TASOR2: variants seen among roughly 807,000 people sequenced by gnomAD.
The protein encoded by TASOR2 is transcription activation suppressor family member 2.
Under a neutral mutation model 199.5 loss-of-function variants are expected in TASOR2, and 84 were observed. The observed-to-expected ratio is 0.42, with a 90% CI of 0.35 to 0.50. The LOEUF (loss-of-function observed/expected upper bound fraction) is 0.50. TASOR2 is among the 20% of genes least tolerant of loss of function. The pLI is 0.02. For synonymous variants in TASOR2, 1,103 were observed against 1,046.6 expected, an observed-to-expected ratio of 1.05 and a Z score of -1.04; for missense variants, 2,796 against 2,835.9, an observed-to-expected ratio of 0.99 and a Z score of 0.32.
chr10:5,693,329 T>G (rs1176347661), intron 1 of TASOR2, among the ~76,000 whole-genome samples: 1 of 152,204 alleles, frequency 6.6e-6, no homozygotes, highest in African/African-American at 2.4e-5. Flanking sequence ...GGATTGCACA[T>G]TGACTTTGCG....
Position 5,757,693 on chromosome 10 carries a change from T to C in TASOR2, c.6886+20T>C. The C allele has an allele frequency of 1.2e-6, 2 of 1,610,658 alleles. No individual in the cohort carries two copies. The highest frequency in any genetic ancestry group is 1.1e-5 in the South Asian group (1 of 90,174). On this transcript the variant is annotated intron_variant, in intron 17 of 20. Coordinates refer to ENST00000328090, the Ensembl canonical transcript of TASOR2. ...CATTAGGTTGGTCTTTATTTTCTTT[T>C]CCTGTTTCTTTGAAGTCAGATCAAC...
At chr10:5,747,348 C>T in exon 15 of TASOR2, 2 of 1,613,894 alleles carry the variant, frequency 1.2e-6, no homozygotes, top group Non-Finnish European at 1.7e-6. Context: ...TTGAGGAGGC[C>T]CCATTCTCAA....
At chr10:5,712,410 C>T in intron 1 of TASOR2, 1 of 1,231,532 alleles carries the variant, frequency 8.1e-7, no homozygotes, top group Admixed American at 4.2e-5. Context: ...AGACAGTGTC[C>T]TTGAGTTCAG....
exon 10 of TASOR2, chr10:5,727,115 T>A (rs371745457): frequency 6.8e-6 from 11 of 1,614,040 alleles, no homozygotes; most frequent in African/African-American, 2.7e-5. Flanking sequence ...CGTTCACCCC[T>A]GTCAACAGGT....
chr10:5,686,776 A>AC (rs1835862681), intron 1 of TASOR2, among the ~76,000 whole-genome samples: 2 of 152,232 alleles, frequency 1.3e-5, no homozygotes, highest in Admixed American at 6.5e-5. Flanking sequence ...AAATCTTTTT[A>AC]GGCAGGTCAT....
At chr10:5,756,719 T>C (rs746951485) in exon 16 of TASOR2, 18 of 1,612,328 alleles carry the variant, frequency 1.1e-5, no homozygotes, top group Non-Finnish European at 1.5e-5. Context: ...AATGAAGATA[T>C]ATCATCACAT....
chr10:5,709,630 G>C, intron 1 of TASOR2: 7 of 1,231,062 alleles, frequency 5.7e-6, no homozygotes, highest in Non-Finnish European at 7.1e-6. Flanking sequence ...TTCTCTCTTA[G>C]AGAAGATCGA....
Position 5,719,102 on chromosome 10 carries a change from C to T in TASOR2, c.-100+1352C>T, listed in dbSNP as rs977401896. Among the ~76,000 whole-genome samples, 9 of 152,048 alleles carry T rather than the reference C, an allele frequency of 5.9e-5. No homozygotes were observed. Among genetic ancestry groups the T allele is most frequent in the Admixed American group, 6.5e-5 (1 of 15,272 alleles). On this transcript the variant is annotated intron_variant, in intron 3 of 20. Coordinates refer to ENST00000328090, the Ensembl canonical transcript of TASOR2. This position sits in a 1 kb window ranked among gnomAD's most constrained non-coding sequence, Gnocchi z 4.1. ...ACATTTTTTGGCTTGGTGGTTTGGC[C>T]TTTGGTGGGTCTGTAAATGAAGAGG...
At chr10:5,734,154 G>T (rs1835233375) in intron 11 of TASOR2, among the ~76,000 whole-genome samples, 1 of 152,174 alleles carries the variant, frequency 6.6e-6, no homozygotes, top group African/African-American at 2.4e-5. Flanking sequence ...TATTTCATAT[G>T]ATATCTTTGA....
chr10:5,747,117 T>C, exon 15 of TASOR2: 1 of 1,614,120 alleles, frequency 6.2e-7, no homozygotes, highest in Non-Finnish European at 8.5e-7. Flanking sequence ...ACACATCAGG[T>C]GACTCTTTAG....
chr10:5,715,576 A>G (rs900809275), intron 2 of TASOR2, among the ~76,000 whole-genome samples: 1 of 152,160 alleles, frequency 6.6e-6, no homozygotes, highest in African/African-American at 2.4e-5. Context: ...TTATGATTGA[A>G]TAATACAGTC....
chr10:5,734,716 ATTTTTTTT>A (rs140600979), intron 11 of TASOR2, among the ~76,000 whole-genome samples: 3 of 54,196 alleles, frequency 5.5e-5, no homozygotes, highest in Non-Finnish European at 6.7e-5. Flanking sequence ...GGTTATGAAG[ATTTTTTTT>A]TTTTTTTTTT....
chr10:5,733,774 C>T (rs1835178813), intron 11 of TASOR2, among the ~76,000 whole-genome samples: 1 of 151,592 alleles, frequency 6.6e-6, no homozygotes, highest in African/African-American at 2.4e-5. Context: ...AACTGTTTTC[C>T]TGATTTATTT....
exon 15 of TASOR2, chr10:5,747,690 C>T (rs1198630506): frequency 6.2e-7 from 1 of 1,614,036 alleles, no homozygotes; most frequent in Non-Finnish European, 8.5e-7. Context: ...TGACTCCATG[C>T]ATTTTAAAAC....
chr10:5,756,504 T>C, intron 15 of TASOR2, 109 bp from the exon 17 acceptor site: 2 of 1,045,688 alleles, frequency 1.9e-6, no homozygotes, highest in Non-Finnish European at 2.7e-6. Context: ...AAATTGTCAT[T>C]TATGGTTGCC....
At chr10:5,716,900 G>A (rs1324568562) in intron 2 of TASOR2, among the ~76,000 whole-genome samples, 1 of 148,184 alleles carries the variant, frequency 6.7e-6, no homozygotes, top group African/African-American at 2.5e-5. Flanking sequence ...AAATATAAAT[G>A]TATATAAATA....
chr10:5,742,412 A>G lies in TASOR2; in HGVS notation c.2643A>G (p.Pro881=). 1 of 1,614,100 alleles carries G rather than the reference A, an allele frequency of 6.2e-7. No homozygotes were observed. Among genetic ancestry groups the G allele is most frequent in the Admixed American group, 1.7e-5 (1 of 60,016 alleles). Residue 881 remains proline (P), a synonymous_variant, in exon 14 of 21, where the codon CCA becomes CCG. Coordinates refer to ENST00000328090, the Ensembl canonical transcript of TASOR2. The surrounding 1 kb of genome is among the most constrained non-coding windows in gnomAD (Gnocchi z 4.2). Reference sequence around the variant, plus strand: ...GCTTGCTTCCTTTCATTAAAACACCACTTACCCAAGGCTTGGAACTCTGTG... The same window carrying G: ...GCTTGCTTCCTTTCATTAAAACACCGCTTACCCAAGGCTTGGAACTCTGTG...
intron 7 of TASOR2, 147 bp downstream of exon 8, chr10:5,723,924 T>G: frequency 2.1e-6 from 1 of 466,288 alleles, no homozygotes; most frequent in East Asian, 3.5e-5. Flanking sequence ...GTAGAGTTAC[T>G]ATTTTCTTCA....
At chr10:5,745,949 T>C (rs998153440) in intron 14 of TASOR2, among the ~76,000 whole-genome samples, 2 of 152,184 alleles carry the variant, frequency 1.3e-5, no homozygotes, top group Non-Finnish European at 2.9e-5. Context: ...CTCTCTTCTG[T>C]GTGTGGTTTT....
Sources: allele counts gnomAD v4.1 joint callset (sites outside exome capture counted in the v4.1 genomes callset), GRCh38; gene constraint gnomAD v4.1.1; non-coding constraint Gnocchi (gnomAD v3.1); transcripts MANE v1.5; gene names NCBI Gene and HGNC (gene_info 2026-07-23, HGNC 2026-07-21).